LHFPL6: variants seen among roughly 807,000 people sequenced by gnomAD.
LHFPL6 encodes the protein LHFPL tetraspan subfamily member 6 protein.
Under a neutral mutation model 20.6 loss-of-function variants are expected in LHFPL6, and 9 were observed. The ratio of observed to expected loss-of-function variants is 0.44; its 90% CI spans 0.26 to 0.76. LHFPL6 has a LOEUF of 0.76. Ranked by LOEUF, LHFPL6 falls within the 30% of genes least tolerant of loss-of-function variation. The pLI, the probability that LHFPL6 is intolerant of heterozygous loss-of-function variation, is 0.20. For missense variants in LHFPL6, 218 were observed against 253.5 expected (o/e 0.86, Z 0.95); for synonymous variants, 105 against 98.7 (o/e 1.06, Z -0.38).
At chr13:39,408,466 T>G (rs1871170000) in intron 2 of LHFPL6, among the ~76,000 whole-genome samples, 3 of 152,224 alleles carry the variant, frequency 2.0e-5, no homozygotes. Context: ...TCTTCCAGGA[T>G]TACTGCTTAC....
intron 3 of LHFPL6, among the ~76,000 whole-genome samples, chr13:39,376,268 G>A (rs9532375): frequency 0.011 from 1,665 of 152,252 alleles, 16 homozygotes; most frequent in Non-Finnish European, 0.017. Flanking sequence ...AAAATGCCAA[G>A]CACTGTATTA....
intron 2 of LHFPL6, among the ~76,000 whole-genome samples, chr13:39,583,889 G>C (rs1339901730): frequency 6.6e-6 from 1 of 151,790 alleles, no homozygotes; most frequent in Non-Finnish European, 1.5e-5. Flanking sequence ...AGTGTGCCTC[G>C]AAGGCAACTT....
intron 2 of LHFPL6, among the ~76,000 whole-genome samples, chr13:39,391,114 A>G (rs1870699166): frequency 6.6e-6 from 1 of 152,228 alleles, no homozygotes; most frequent in African/African-American, 2.4e-5. Context: ...TTGATATAGC[A>G]CATTTCTTCA....
chr13:39,562,529 C>CATAT (rs1566142118), intron 2 of LHFPL6, among the ~76,000 whole-genome samples: 1 of 116,768 alleles, frequency 8.6e-6, no homozygotes, highest in Non-Finnish European at 1.9e-5. Flanking sequence ...TACACATATA[C>CATAT]ACATATATAC....
At chr13:39,470,437 A>C (rs1872914503) in intron 2 of LHFPL6, among the ~76,000 whole-genome samples, 1 of 152,298 alleles carries the variant, frequency 6.6e-6, no homozygotes, top group African/African-American at 2.4e-5. Context: ...GTAATTAAAC[A>C]CTGGCTACTA....
At chr13:39,355,638 A>G (rs1342983866) in intron 3 of LHFPL6, among the ~76,000 whole-genome samples, 1 of 152,162 alleles carries the variant, frequency 6.6e-6, no homozygotes, top group East Asian at 1.9e-4. Context: ...TCTTCAAGAG[A>G]CCCATCTCAC....
intron 2 of LHFPL6, among the ~76,000 whole-genome samples, chr13:39,402,476 A>G (rs1257245205): frequency 6.6e-6 from 1 of 152,186 alleles, no homozygotes; most frequent in African/African-American, 2.4e-5. Flanking sequence ...GTGATCCTCC[A>G]GTCCTGGCCT....
intron 2 of LHFPL6, among the ~76,000 whole-genome samples, chr13:39,478,241 T>C (rs902478579): frequency 3.3e-5 from 5 of 152,130 alleles, no homozygotes; most frequent in Non-Finnish European, 5.9e-5. Flanking sequence ...TGACAAGTGA[T>C]ATCTAAATAG....
chr13:39,546,141 C>G (rs1215885776), intron 2 of LHFPL6, among the ~76,000 whole-genome samples: 1 of 151,892 alleles, frequency 6.6e-6, no homozygotes, highest in Non-Finnish European at 1.5e-5. Context: ...GGTAAGCCCC[C>G]AATAAATAAT....
rs1249605065 is a variant in LHFPL6 at position 39,455,928 on chromosome 13, T to C, written c.386-77402A>G. ...GTTATGAATACGGAAACACATACAT[T>C]TACTTGAAATCCATATCATTGTCAT... On this transcript the variant is annotated intron_variant, in intron 2 of 3. Coordinates refer to ENST00000379589, the MANE Select transcript of LHFPL6 (RefSeq NM_005780.3). 2.0e-5 allele frequency among the ~76,000 whole-genome samples: 3 copies of C among 152,222 alleles called. No individual in the cohort carries two copies. In the East Asian group the frequency reaches 5.8e-4, roughly 29 times the overall value.
At chr13:39,425,798 C>A (rs973206667) in intron 2 of LHFPL6, among the ~76,000 whole-genome samples, 4 of 152,072 alleles carry the variant, frequency 2.6e-5, no homozygotes, top group South Asian at 4.1e-4. Context: ...CTAATATTTT[C>A]TCTTCATCTG....
In LHFPL6 at chr13:39,385,923, C is replaced by T. The variant is rs146546090; in HGVS notation, c.386-7397G>A. Among the ~76,000 whole-genome samples, 285 of 152,220 alleles carry T rather than the reference C, an allele frequency of 1.9e-3. 1 individual carries two copies. Among genetic ancestry groups the T allele is most frequent in the African/African-American group, 6.6e-3 (275 of 41,540 alleles). Reference sequence around the variant, plus strand: ...TCACTTTTTTCCAGGACTATGGCTCCATTCTTTTTCCACTGTTTATTTTAT... The same window carrying T: ...TCACTTTTTTCCAGGACTATGGCTCTATTCTTTTTCCACTGTTTATTTTAT... On this transcript the variant is annotated intron_variant, in intron 2 of 3. Transcript: ENST00000379589.
intron 2 of LHFPL6, among the ~76,000 whole-genome samples, chr13:39,507,883 T>TCC (rs1869539987): frequency 3.5e-5 from 1 of 28,388 alleles, no homozygotes; most frequent in Non-Finnish European, 7.7e-5. Context: ...TTATCTTGCC[T>TCC]CCCCTCCCTT....
At chr13:39,523,834 A>G (rs988736473) in intron 2 of LHFPL6, among the ~76,000 whole-genome samples, 10 of 152,260 alleles carry the variant, frequency 6.6e-5, no homozygotes, top group Non-Finnish European at 1.5e-4. Flanking sequence ...GTATTAGAAT[A>G]AATAAGACAA....
At chr13:39,464,078 T>C (rs1872745497) in intron 2 of LHFPL6, among the ~76,000 whole-genome samples, 1 of 152,146 alleles carries the variant, frequency 6.6e-6, no homozygotes, top group African/African-American at 2.4e-5. Context: ...CATTGTAAAC[T>C]AAGGAGGTAC....
chr13:39,395,764 G>T (rs1394570902), intron 2 of LHFPL6, among the ~76,000 whole-genome samples: 1 of 152,166 alleles, frequency 6.6e-6, no homozygotes, highest in East Asian at 1.9e-4. Flanking sequence ...CATTCTAGAA[G>T]GTGAGCTGTA....
intron 2 of LHFPL6, among the ~76,000 whole-genome samples, chr13:39,569,160 T>TGGAC (rs1871829241): frequency 9.9e-6 from 1 of 100,708 alleles, no homozygotes; most frequent in African/African-American, 4.4e-5. Context: ...GACGGACGGA[T>TGGAC]GGATGGATGG....
intron 2 of LHFPL6, among the ~76,000 whole-genome samples, chr13:39,415,491 A>G (rs1871324691): frequency 1.9e-5 from 2 of 102,598 alleles, no homozygotes; most frequent in South Asian, 3.0e-4. Flanking sequence ...AGCTTGCCAT[A>G]AAAATACTGA....
At chr13:39,503,436 C>T (rs1412030501) in intron 2 of LHFPL6, among the ~76,000 whole-genome samples, 7 of 152,178 alleles carry the variant, frequency 4.6e-5, no homozygotes, top group African/African-American at 1.7e-4. Context: ...ATCCCCCCCA[C>T]ATACTACCAT....
Sources: gnomAD v4.1 joint callset for allele counts (sites outside exome capture counted in the v4.1 genomes callset) on GRCh38, gnomAD v4.1.1 for gene constraint, MANE v1.5 for transcripts, NCBI Gene and HGNC (gene_info 2026-07-23, HGNC 2026-07-21) for gene names.